The following BLTP1 variants were observed in gnomAD, a reference collection of about 807,000 sequenced individuals.
BLTP1 encodes the protein bridge-like lipid transfer protein family member 1, also known as fragile site-associated protein.
the BLTP1 span, chr4:122,305,422 T>C: frequency 1.0e-6 from 1 of 955,266 alleles, no homozygotes; most frequent in Admixed American, 6.2e-5. Flanking sequence ...TCACAGCTTA[T>C]TGGAGATTTT....
At chr4:122,231,614 T>C in the BLTP1 span, 1 of 945,702 alleles carries the variant, frequency 1.1e-6, no homozygotes, top group Non-Finnish European at 1.3e-6. Flanking sequence ...TGTCAGTTAC[T>C]AATTTGAGAA....
the BLTP1 span, chr4:122,190,288 A>G: frequency 3.8e-6 from 2 of 529,650 alleles, no homozygotes; most frequent in Non-Finnish European, 4.8e-6. Context: ...TAGAGATGGT[A>G]TTTCGCTATA....
chr4:122,318,335 C>A, the BLTP1 span: 2 of 1,287,014 alleles, frequency 1.6e-6, no homozygotes, highest in Non-Finnish European at 2.2e-6. Context: ...ATCATATCTA[C>A]TGCGTACCAG....
chr4:122,318,736 C>T, the BLTP1 span, among the ~76,000 whole-genome samples: 7 of 152,124 alleles, frequency 4.6e-5, no homozygotes, highest in Admixed American at 1.3e-4. Flanking sequence ...CAGGTTTAGT[C>T]GGTCCCATTA....
chr4:122,316,391 C>T, the BLTP1 span: 10 of 474,638 alleles, frequency 2.1e-5, 1 homozygote, highest in South Asian at 1.4e-4. Context: ...CACAAACTCA[C>T]CTTTGGGCAG....
chr4:122,308,153 C>T, the BLTP1 span: 2 of 1,613,070 alleles, frequency 1.2e-6, no homozygotes, highest in Non-Finnish European at 1.7e-6. Context: ...ATCACAAATA[C>T]TGCACAGGTA....
At chr4:122,353,304 C>G in the BLTP1 span, 1 of 1,353,820 alleles carries the variant, frequency 7.4e-7, no homozygotes. This position sits in a 1 kb window ranked among gnomAD's most constrained non-coding sequence, Gnocchi z 4.3. Context: ...TTTATAATGT[C>G]TGGAACATGT....
chr4:122,210,968 C>T, the BLTP1 span: 2 of 1,612,886 alleles, frequency 1.2e-6, no homozygotes, highest in South Asian at 1.1e-5. Flanking sequence ...TCTCCCTCTA[C>T]TTCTTCACGC....
the BLTP1 span, chr4:122,346,934 A>T: frequency 1.1e-6 from 1 of 870,836 alleles, no homozygotes; most frequent in Non-Finnish European, 1.4e-6. Context: ...AGCACTGAGG[A>T]TATATCAGAG....
chr4:122,194,772 A>G, the BLTP1 span: 1 of 696,980 alleles, frequency 1.4e-6, no homozygotes, highest in Non-Finnish European at 1.8e-6. Context: ...AAAAACCCAA[A>G]CTAAAATGCA....
chr4:122,292,397 T>G, the BLTP1 span: 1 of 831,068 alleles, frequency 1.2e-6, no homozygotes, highest in Non-Finnish European at 1.5e-6. Flanking sequence ...TCTAGACATT[T>G]AGAGTATTAG....
chr4:122,248,221 A>G, the BLTP1 span: 1 of 658,684 alleles, frequency 1.5e-6, no homozygotes, highest in Non-Finnish European at 1.9e-6. Flanking sequence ...AAAACTGGTG[A>G]AAAATGTGGT....
At chr4:122,246,302 A>G in the BLTP1 span, 2 of 1,561,982 alleles carry the variant, frequency 1.3e-6, no homozygotes, top group Non-Finnish European at 1.7e-6. Context: ...ACCAAAGGTA[A>G]CAATTTAATA....
chr4:122,257,517 G>A, the BLTP1 span: 1 of 1,611,512 alleles, frequency 6.2e-7, no homozygotes, highest in Non-Finnish European at 8.5e-7. Flanking sequence ...AGCCTCTATT[G>A]AGTACTTTCT....
chr4:122,283,102 C>G, the BLTP1 span, among the ~76,000 whole-genome samples: 1 of 151,908 alleles, frequency 6.6e-6, no homozygotes, highest in Non-Finnish European at 1.5e-5. Context: ...ATTTTTATGT[C>G]CTGAAGAAAT....
At chr4:122,281,170 T>C in the BLTP1 span, 1 of 313,300 alleles carries the variant, frequency 3.2e-6, no homozygotes, top group Non-Finnish European at 4.6e-6. Flanking sequence ...GTTGGTGTTG[T>C]CATTCTTAAC....
At chr4:122,255,361 G>T in the BLTP1 span, 5 of 1,007,838 alleles carry the variant, frequency 5.0e-6, no homozygotes, top group Non-Finnish European at 7.6e-6. Context: ...GGTTTGAGAT[G>T]CATGTGAGAA....
At chr4:122,359,150 A>G in the BLTP1 span, among the ~76,000 whole-genome samples, 1 of 151,586 alleles carries the variant, frequency 6.6e-6, no homozygotes, top group Non-Finnish European at 1.5e-5. Flanking sequence ...TGACGAGTTA[A>G]TGGGTGCAGC....
At chr4:122,250,699 A>G in the BLTP1 span, 11 of 939,680 alleles carry the variant, frequency 1.2e-5, no homozygotes, top group East Asian at 2.4e-4. Flanking sequence ...GATTTATGAT[A>G]TCTGCTTAAA....
Sources: gnomAD v4.1 joint callset for allele counts (sites outside exome capture counted in the v4.1 genomes callset) on GRCh38, gnomAD v4.1.1 for gene constraint, Gnocchi (gnomAD v3.1) non-coding constraint, MANE v1.5 for transcripts, NCBI Gene and HGNC (gene_info 2026-07-23, HGNC 2026-07-21) for gene names.